The following GHDC variants were observed in gnomAD, a reference collection of about 807,000 sequenced individuals.
The protein encoded by GHDC is GH3 domain containing.
A neutral mutation model predicts 51.5 loss-of-function variants in GHDC; 39 were observed. That is an observed-to-expected ratio of 0.76 (90% CI 0.59 to 0.99). The LOEUF (loss-of-function observed/expected upper bound fraction) is 0.99. Among genes scored for constraint, GHDC ranks in the 50% least tolerant of loss-of-function variants. The pLI is 0.00. For synonymous variants in GHDC, 282 were observed against 305.2 expected (o/e 0.92, Z 0.79); for missense variants, 610 against 672.8 (o/e 0.91, Z 1.03).
Position 42,189,730 on chromosome 17 carries a change from C to G in GHDC, c.1566G>C (p.Gln522His), listed in dbSNP as rs768847579. The G allele has an allele frequency of 3.3e-6, 5 of 1,502,958 alleles. No individual in the cohort carries two copies. The African/African-American group carries it at 7.0e-5, about 21-fold the overall frequency. 93.1% of individuals were successfully genotyped at this position (1,502,958 alleles called of 1,614,324 possible). ...PRVLRHRHLAQCLQERVVS is the reference protein window; with the variant it reads ...PRVLRHRHLAHCLQERVVS ...AGGACACCACCCTCTCCTGCAGACA[C>G]TGGGCCAGGTGCCTGTGCCGAAGGA... The change falls in exon 10 of 10, where the codon CAG becomes CAC. Residue 522 changes from glutamine (Q) to histidine (H), a missense_variant. Around this residue, in one of 2 missense-constraint regions of GHDC, gnomAD observed 412 missense variants for 410.4 expected, o/e 1.00. Transcript: ENST00000587427.
Position 42,189,827 on chromosome 17 carries a change from C to A in GHDC, c.1469G>T (p.Gly490Val). ...GGCTGCCCGGAGTGCTCGGAAGGCT[C>A]CCTGCCCCACCAGGTGGACTCTGGC... ...GPARVHLVGQGAFRALRAALA... is the reference protein window; with the variant it reads ...GPARVHLVGQVAFRALRAALA... Residue 490 changes from glycine to valine, a missense_variant, in exon 10 of 10, where the codon GGA (glycine) becomes GTA (valine). Gly to Val is a moderately radical substitution (Grantham distance 109). This residue lies in a region of GHDC where 412 missense variants were observed against 410.4 expected (regional missense o/e 1.00). Transcript: ENST00000587427. 1 of 1,559,768 alleles carries A rather than the reference C, an allele frequency of 6.4e-7. No individual in the cohort carries two copies. Among genetic ancestry groups the A allele is most frequent in the Non-Finnish European group, 8.7e-7 (1 of 1,153,048 alleles).
chr17:42,192,341 C>A lies in GHDC; in HGVS notation c.789G>T (p.Val263=). ...LRLWPKLQVV[V]TLDAGGQAEA... is the part of the protein sequence containing the mutation. ...CGGCCTGGCCTCCTGCATCCAGAGT[C>A]ACCACCACCTGCAGCTTTGGCCAGA... The change falls in exon 5 of 10, where the codon GTG becomes GTT. Residue 263 remains valine (V), a synonymous_variant. Coordinates refer to ENST00000587427, the MANE Select transcript of GHDC (RefSeq NM_032484.5). The A allele has an allele frequency of 6.2e-7, 1 of 1,613,248 alleles. No homozygotes were observed. The highest frequency in any genetic ancestry group is 8.5e-7 in the Non-Finnish European group (1 of 1,179,844).
At chr17:42,192,120 C>A in intron 5 of GHDC, 121 bp downstream of exon 5, 1 of 1,292,454 alleles carries the variant, frequency 7.7e-7, no homozygotes, top group Non-Finnish European at 1.0e-6. Context: ...GGCTGCTGGC[C>A]CTAGCATGCA....
Position 42,189,662 on chromosome 17 carries a change from G to T in GHDC, c.*41C>A. 9 of 1,083,172 alleles carry T rather than the reference G, an allele frequency of 8.3e-6. No individual in the cohort carries two copies. The highest frequency in any genetic ancestry group is 1.1e-5 in the Non-Finnish European group (9 of 789,288). The allele number at this position is 1,083,172 out of a possible 1,614,324, so 67.1% of individuals were successfully genotyped here. ...GAGAGGTCCCAGAGGGAGGGGCGAG[G>T]TGGCCTCTGGGGGGAGCTGGGCGGT... On this transcript the variant is annotated 3_prime_UTR_variant, in exon 10 of 10. Transcript: ENST00000587427.
At position 42,191,083 on chromosome 17, in the gene GHDC, A is replaced by G; in HGVS notation, c.1017T>C (p.Leu339=). 1 of 1,580,664 alleles carries G rather than the reference A, an allele frequency of 6.3e-7. No individual in the cohort carries two copies. Among genetic ancestry groups the G allele is most frequent in the Admixed American group, 1.9e-5 (1 of 52,222 alleles). ...CCTTGCCCTGCTGGGCCTCGGCCAA[A>G]AGGAGGGTGGAGGCAGCTTCCTCCT... is the stretch of plus-strand genomic sequence containing the variant. ...GTQEEAASTL[L]LAEAQQGKEY... Residue 339 remains leucine (L), a synonymous_variant, in exon 6 of 10, where the codon CTT becomes CTC. Coordinates refer to ENST00000587427, the MANE Select transcript of GHDC (RefSeq NM_032484.5).
Position 42,189,776 on chromosome 17 carries a change from A to AAGGGGGAGG in GHDC, c.1511_1519dup (p.Ser504_Pro506dup). ...AAGGACCCGGGGCATCGCAGGGGGG[A>AAGGGGGAGG]AGGGGGAGGAGGGGCAGGCAGCGAG... On this transcript the variant is annotated inframe_insertion, in exon 10 of 10. Coordinates refer to ENST00000587427, the MANE Select transcript of GHDC (RefSeq NM_032484.5). The AAGGGGGAGG allele has an allele frequency of 6.5e-7, 1 of 1,537,456 alleles. No homozygotes were observed. Among genetic ancestry groups the AAGGGGGAGG allele is most frequent in the Non-Finnish European group, 8.8e-7 (1 of 1,141,802 alleles).
intron 3 of GHDC, 135 bp downstream of exon 3, chr17:42,193,182 G>C: frequency 6.5e-7 from 1 of 1,528,074 alleles, no homozygotes; most frequent in Non-Finnish European, 8.9e-7. Flanking sequence ...GGACAAGAAA[G>C]CCAGTCCTGG....
At chr17:42,193,715 TG>T (rs2079988463) in intron 2 of GHDC, 51 bp downstream of exon 2, 1 of 1,226,484 alleles carries the variant, frequency 8.2e-7, no homozygotes, top group Non-Finnish European at 1.1e-6. Flanking sequence ...CAGGACCCTG[TG>T]GGGCAGGTGA....
Position 42,193,438 on chromosome 17 carries a change from G to T in GHDC, c.144C>A (p.Ala48=). ...RVAWGALVWA[A]TWQRRRLEQS... is the part of the protein sequence containing the mutation. ...GCTCCAGCCTCCGCCGCTGCCAGGT[G>T]GCTGCCCAGACCAGGGCCCCCCATG... The change falls in exon 3 of 10, where the codon GCC becomes GCA. Residue 48 remains alanine (A), a synonymous_variant. Coordinates refer to ENST00000587427, the MANE Select transcript of GHDC (RefSeq NM_032484.5). 1 of 1,558,056 alleles carries T rather than the reference G, an allele frequency of 6.4e-7. No homozygotes were observed. Among genetic ancestry groups the T allele is most frequent in the East Asian group, 2.4e-5 (1 of 41,766 alleles).
Position 42,192,608 on chromosome 17 carries a change from C to G in GHDC, c.522G>C (p.Val174=). 1 of 1,613,516 alleles carries G rather than the reference C, an allele frequency of 6.2e-7. No homozygotes were observed. The highest frequency in any genetic ancestry group is 8.5e-7 in the Non-Finnish European group (1 of 1,179,970). The change falls in exon 5 of 10, where the codon GTG becomes GTC. Residue 174 remains valine, a synonymous_variant. Transcript: ENST00000587427. The part of the protein sequence containing the change: ...LPWPGNTLGQ[V]GTPGTKDPRA... ...TAGGGTCCTTGGTTCCAGGGGTGCC[C>G]ACCTGGCCCAGGGTATTCCCAGGCC...
In GHDC at chr17:42,192,288, C is replaced by T; in HGVS notation, c.842G>A (p.Trp281Ter). ...AGAGAAGAAGGCTAGTCCTTGGCACCACAAGGCCCCGAGGGCAGCCACAGC... is the reference window on the plus strand; with the variant it reads ...AGAGAAGAAGGCTAGTCCTTGGCACTACAAGGCCCCGAGGGCAGCCACAGC... ...AEAVAALGAL[W>*]CQGLAFFSPA... The change falls in exon 5 of 10, where the codon TGG becomes TAG. Residue 281 changes from tryptophan to a stop codon, truncating the protein, a stop_gained. Coordinates refer to ENST00000587427, the MANE Select transcript of GHDC (RefSeq NM_032484.5). LOFTEE classifies it high-confidence loss of function. The T allele has an allele frequency of 1.3e-6, 2 of 1,589,746 alleles. No homozygotes were observed. Among genetic ancestry groups the T allele is most frequent in the Non-Finnish European group, 1.7e-6 (2 of 1,167,694 alleles).
rs1314004522 is a variant in GHDC at position 42,193,456 on chromosome 17, C to T, written c.126G>A (p.Gly42=). The change falls in exon 3 of 10, where the codon GGG becomes GGA. Residue 42 remains glycine, a synonymous_variant. Transcript: ENST00000587427. The part of the protein sequence containing the change: ...LAGLQHRVAW[G]ALVWAATWQR... ...GCCAGGTGGCTGCCCAGACCAGGGC[C>T]CCCCATGCCACTCGGTGCTGGAGGC... 1 of 1,556,524 alleles carries T rather than the reference C, an allele frequency of 6.4e-7. No homozygotes were observed. Among genetic ancestry groups the T allele is most frequent in the Non-Finnish European group, 8.7e-7 (1 of 1,150,156 alleles).
chr17:42,190,131 G>A, intron 9 of GHDC, 54 bp downstream of exon 9: 1 of 1,554,278 alleles, frequency 6.4e-7, no homozygotes, highest in Non-Finnish European at 8.8e-7. Context: ...TGGCACCCTG[G>A]GAGTGTGCAG....
At chr17:42,192,770 C>A in intron 4 of GHDC, 28 bp from the exon 5 acceptor site, 1 of 1,532,836 alleles carries the variant, frequency 6.5e-7, no homozygotes, top group South Asian at 1.3e-5. Context: ...GAATGTTGGT[C>A]TGGTGTCAGA....
chr17:42,189,673 G>A lies in GHDC; in HGVS notation c.*30C>T, dbSNP rs1447878538. The stretch of plus-strand genomic sequence containing the variant: ...GAGGGAGGGGCGAGGTGGCCTCTGG[G>A]GGGAGCTGGGCGGTGGGGCAGGACT... On this transcript the variant is annotated 3_prime_UTR_variant, in exon 10 of 10. Coordinates refer to ENST00000587427, the MANE Select transcript of GHDC (RefSeq NM_032484.5). 4.0e-6 allele frequency: 5 copies of A among 1,255,038 alleles called. No individual in the cohort carries two copies. Among genetic ancestry groups the A allele is most frequent in the Non-Finnish European group, 5.3e-6 (5 of 941,346 alleles). 77.7% of individuals were successfully genotyped at this position (1,255,038 alleles called of 1,614,324 possible).
chr17:42,192,418 C>A lies in GHDC; in HGVS notation c.712G>T (p.Ala238Ser). The change falls in exon 5 of 10, where the codon GCT becomes TCT. Residue 238 changes from alanine to serine, a missense_variant. This residue lies in a region of GHDC where 412 missense variants were observed against 410.4 expected (regional missense o/e 1.00). Transcript: ENST00000587427. ...TGCTCTAGGGCCTCCCGGAGCTCAG[C>A]TGCCCGTTCACGGAGAGGCGCTCCA... The part of the protein sequence containing the change: ...NPGAPLRERA[A>S]ELREALEQGP... The A allele has an allele frequency of 6.2e-7, 1 of 1,613,184 alleles. No individual in the cohort carries two copies. The highest frequency in any genetic ancestry group is 8.5e-7 in the Non-Finnish European group (1 of 1,179,990).
intron 8 of GHDC, 98 bp downstream of exon 8, chr17:42,190,526 A>C (rs905733595): frequency 6.8e-7 from 1 of 1,468,430 alleles, no homozygotes; most frequent in African/African-American, 1.4e-5. Context: ...AGGAGTAGTA[A>C]AGGAGGCTTA....
At chr17:42,193,234 G>A (rs778351590) in intron 3 of GHDC, 83 bp downstream of exon 3, 104 of 1,520,218 alleles carry the variant, frequency 6.8e-5, no homozygotes, top group Non-Finnish European at 9.0e-5. Context: ...GAGGAGGTAA[G>A]GGGGCCATCA....
intron 8 of GHDC, 75 bp downstream of exon 8, chr17:42,190,549 C>A: frequency 6.6e-7 from 1 of 1,516,112 alleles, no homozygotes; most frequent in Non-Finnish European, 8.9e-7. Context: ...TCTTTCCTAG[C>A]AGTCCCCTGG....
Sources: allele counts gnomAD v4.1 joint callset, GRCh38; gene constraint gnomAD v4.1.1; regional missense constraint gnomAD v4.1.1; transcripts MANE v1.5; gene names NCBI Gene and HGNC (gene_info 2026-07-23, HGNC 2026-07-21).